The following TBC1D5 variants were observed in gnomAD, a reference collection of about 807,000 sequenced individuals.
TBC1D5 encodes the protein TBC1 domain family member 5.
Under a neutral mutation model 100.3 loss-of-function variants are expected in TBC1D5, and 75 were observed. The observed-to-expected ratio is 0.75, with a 90% CI of 0.62 to 0.91. The LOEUF (loss-of-function observed/expected upper bound fraction) is 0.91, where lower values mean the gene tolerates loss of function less well. TBC1D5 is among the 40% of genes least tolerant of loss of function. TBC1D5 has a pLI of 0.00. For missense variants in TBC1D5, 910 were observed against 942.4 expected (o/e 0.97, Z 0.45); for synonymous variants, 323 against 325.6 (o/e 0.99, Z 0.09).
chr3:17,418,946 T>C (rs1311959443), intron 4 of TBC1D5, among the ~76,000 whole-genome samples: 1 of 152,188 alleles, frequency 6.6e-6, no homozygotes, highest in Non-Finnish European at 1.5e-5. Flanking sequence ...GTCAAACTCA[T>C]GGATACAGAG....
intron 3 of TBC1D5, among the ~76,000 whole-genome samples, chr3:17,493,747 GT>G (rs2150603353): frequency 6.6e-6 from 1 of 152,228 alleles, no homozygotes; most frequent in African/African-American, 2.4e-5. Context: ...GCTTCCCAAA[GT>G]TCTCGCCCTG....
intron 2 of TBC1D5, among the ~76,000 whole-genome samples, chr3:17,604,056 A>C (rs897334906): frequency 4.6e-5 from 7 of 152,066 alleles, no homozygotes; most frequent in Admixed American, 4.6e-4. Context: ...CTGAACCCTA[A>C]TTTTGGGGTT....
At chr3:17,581,960 C>G (rs563394650) in intron 2 of TBC1D5, among the ~76,000 whole-genome samples, 1 of 152,186 alleles carries the variant, frequency 6.6e-6, no homozygotes, top group Non-Finnish European at 1.5e-5. Context: ...ACCTCACTCT[C>G]TCACCTCCTT....
At chr3:17,216,055 T>C (rs116239508) in intron 17 of TBC1D5, among the ~76,000 whole-genome samples, 27 of 152,234 alleles carry the variant, frequency 1.8e-4, no homozygotes, top group African/African-American at 6.3e-4. Context: ...CAGAATGTTA[T>C]ATTTCTTAGG....
chr3:17,628,825 G>A (rs542098282), intron 1 of TBC1D5, among the ~76,000 whole-genome samples: 8 of 152,260 alleles, frequency 5.3e-5, no homozygotes, highest in African/African-American at 1.7e-4. Flanking sequence ...TCTTAAAAAT[G>A]CTAAGTGGTT....
rs576564580 is a variant in TBC1D5, at chr3:17,569,664, A to G, written c.-36+54185T>C. 3.3e-5 allele frequency among the ~76,000 whole-genome samples: 5 copies of G among 151,790 alleles called. No individual in the cohort carries two copies. The South Asian group carries it at 1.0e-3, about 31-fold the overall frequency. On this transcript the variant is annotated intron_variant, in intron 2 of 21. Coordinates refer to ENST00000253692, the Ensembl canonical transcript of TBC1D5. ...AGCCTGAAGCTCAAATCAGAAATCC[A>G]ACTTTATTTCTTAAAAAGGAACCAA... is the stretch of plus-strand genomic sequence containing the variant.
chr3:17,733,684 T>A (rs986597123), intron 1 of TBC1D5, among the ~76,000 whole-genome samples: 4 of 152,200 alleles, frequency 2.6e-5, no homozygotes, highest in Admixed American at 2.6e-4. Context: ...AGGTACCATA[T>A]CAAAACATTG....
At chr3:17,647,072 G>C (rs944537725) in intron 1 of TBC1D5, 1 of 152,092 alleles carries the variant, frequency 6.6e-6, no homozygotes, top group Non-Finnish European at 1.5e-5. Flanking sequence ...GAGAAAAAAA[G>C]AGACCATCAC....
chr3:17,237,039 AC>A (rs2075915747), intron 17 of TBC1D5, among the ~76,000 whole-genome samples: 1 of 152,200 alleles, frequency 6.6e-6, no homozygotes, highest in Non-Finnish European at 1.5e-5. Flanking sequence ...AAAATCAGAA[AC>A]TAATTTTGAA....
At chr3:17,694,747 C>T (rs1468951852) in intron 1 of TBC1D5, among the ~76,000 whole-genome samples, 1 of 152,098 alleles carries the variant, frequency 6.6e-6, no homozygotes, top group East Asian at 1.9e-4. Context: ...ATACAGAGAA[C>T]ACCATAAAGA....
At chr3:17,720,767 A>G (rs1352183166) in intron 1 of TBC1D5, among the ~76,000 whole-genome samples, 3 of 151,564 alleles carry the variant, frequency 2.0e-5, no homozygotes, top group Non-Finnish European at 4.4e-5. Flanking sequence ...TTTAGAAGTG[A>G]TAGCGCCACT....
chr3:17,665,343 ATATCTT>A (rs1231465598), intron 1 of TBC1D5, among the ~76,000 whole-genome samples: 2 of 152,344 alleles, frequency 1.3e-5, no homozygotes, highest in East Asian at 3.9e-4. Context: ...TGTCTCGCTC[ATATCTT>A]TATAAAAGTT....
chr3:17,191,966 C>T (rs562428192), intron 18 of TBC1D5, among the ~76,000 whole-genome samples: 8 of 151,838 alleles, frequency 5.3e-5, no homozygotes, highest in Non-Finnish European at 8.8e-5. Context: ...CATTTAAGAA[C>T]GACATATCAC....
At chr3:17,376,750 C>T (rs572749953) in intron 9 of TBC1D5, 137 bp from the exon 10 acceptor site, 22 of 561,492 alleles carry the variant, frequency 3.9e-5, no homozygotes, top group East Asian at 2.9e-4. Flanking sequence ...CACATAAAAA[C>T]GGAAAGCTAC....
intron 1 of TBC1D5, among the ~76,000 whole-genome samples, chr3:17,673,652 T>C (rs2068250830): frequency 1.3e-5 from 2 of 152,092 alleles, no homozygotes; most frequent in Non-Finnish European, 2.9e-5. Context: ...AGCCACAAAA[T>C]GAACAATTTT....
chr3:17,308,426 A>T (rs2083626358), intron 13 of TBC1D5, among the ~76,000 whole-genome samples: 1 of 152,136 alleles, frequency 6.6e-6, no homozygotes, highest in Non-Finnish European at 1.5e-5. Flanking sequence ...AGGTGAAGAA[A>T]AAATGAATGT....
intron 1 of TBC1D5, among the ~76,000 whole-genome samples, chr3:17,704,420 C>G (rs956359034): frequency 2.6e-5 from 4 of 151,106 alleles, no homozygotes; most frequent in African/African-American, 7.3e-5. Flanking sequence ...CTGGCCCGTT[C>G]TCAATGAGCT....
intron 3 of TBC1D5, among the ~76,000 whole-genome samples, chr3:17,436,537 A>G (rs544107317): frequency 1.3e-5 from 2 of 152,274 alleles, no homozygotes; most frequent in South Asian, 2.1e-4. Flanking sequence ...ACTTTATCAA[A>G]AACTTTATGA....
chr3:17,174,920 A>T (rs1258425978), intron 19 of TBC1D5, among the ~76,000 whole-genome samples: 1 of 152,168 alleles, frequency 6.6e-6, no homozygotes, highest in Non-Finnish European at 1.5e-5. Flanking sequence ...GAGAGCAGGT[A>T]ACTGGCTAAG....
Sources: gnomAD v4.1 joint callset for allele counts (sites outside exome capture counted in the v4.1 genomes callset) on GRCh38, gnomAD v4.1.1 for gene constraint, MANE v1.5 for transcripts, NCBI Gene and HGNC (gene_info 2026-07-23, HGNC 2026-07-21) for gene names.